Variants in TTC28 observed in about 807,000 individuals in gnomAD.
TTC28 encodes the protein tetratricopeptide repeat protein 28.
In TTC28, 61 loss-of-function variants were observed where a neutral mutation model predicts 198.0. That is an observed-to-expected ratio of 0.31 (90% confidence interval 0.25 to 0.38). The LOEUF (loss-of-function observed/expected upper bound fraction) is 0.38. Among genes scored for constraint, TTC28 ranks in the 10% least tolerant of loss-of-function variants. TTC28 has a pLI of 1.00. For synonymous variants in TTC28, 1,171 were observed against 1,297.8 expected (o/e 0.90, Z 2.10); for missense variants, 2,678 against 3,164.0 (o/e 0.85, Z 3.69).
At chr22:28,114,043 G>T (rs1185959785) in intron 6 of TTC28, among the ~76,000 whole-genome samples, 2 of 152,166 alleles carry the variant, frequency 1.3e-5, no homozygotes, top group African/African-American at 4.8e-5. Context: ...CCTTTTCCAG[G>T]CTGGGAGAAG....
intron 2 of TTC28, among the ~76,000 whole-genome samples, chr22:28,547,225 T>A (rs1601549134): frequency 6.6e-6 from 1 of 152,136 alleles, no homozygotes; most frequent in Admixed American, 6.6e-5. Context: ...AGTGTGTGTG[T>A]GTGTGTGTGT....
intron 12 of TTC28, among the ~76,000 whole-genome samples, chr22:28,051,918 C>T (rs753838037): frequency 6.6e-6 from 1 of 152,086 alleles, no homozygotes; most frequent in Non-Finnish European, 1.5e-5. Flanking sequence ...GATTTTGCAG[C>T]CAGCCAGCAG....
chr22:28,547,479 A>C (rs753783951), intron 2 of TTC28, among the ~76,000 whole-genome samples: 6 of 152,340 alleles, frequency 3.9e-5, no homozygotes, highest in Admixed American at 1.3e-4. Flanking sequence ...ACTACACTCA[A>C]GATTTTTGTC....
chr22:28,584,267 C>T (rs1346399830), intron 2 of TTC28, among the ~76,000 whole-genome samples: 1 of 152,102 alleles, frequency 6.6e-6, no homozygotes, highest in Non-Finnish European at 1.5e-5. Context: ...ACAAAAGTAG[C>T]TCTCATATCT....
At chr22:28,322,289 A>G (rs2045459365) in intron 2 of TTC28, among the ~76,000 whole-genome samples, 1 of 152,192 alleles carries the variant, frequency 6.6e-6, no homozygotes, top group South Asian at 2.1e-4. Flanking sequence ...TGTCTTTTCC[A>G]AATAATGAAC....
chr22:28,616,672 T>G (rs1315602819), intron 2 of TTC28, among the ~76,000 whole-genome samples: 1 of 151,918 alleles, frequency 6.6e-6, no homozygotes, highest in East Asian at 1.9e-4. Context: ...GGCAACACAG[T>G]GAAACCCCGT....
chr22:28,520,711 T>C (rs1193789754), intron 2 of TTC28, among the ~76,000 whole-genome samples: 1 of 152,060 alleles, frequency 6.6e-6, no homozygotes. Flanking sequence ...TGAGATATGA[T>C]CACACCACTG....
intron 2 of TTC28, among the ~76,000 whole-genome samples, chr22:28,500,380 G>C (rs898609149): frequency 6.6e-6 from 1 of 152,114 alleles, no homozygotes; most frequent in African/African-American, 2.4e-5. Context: ...AATGTATTAA[G>C]ATCACTTGTT....
intron 6 of TTC28, among the ~76,000 whole-genome samples, chr22:28,127,184 A>G (rs1353210085): frequency 6.6e-6 from 1 of 152,266 alleles, no homozygotes; most frequent in African/African-American, 2.4e-5. Context: ...AATATCTAGT[A>G]CAGACAAGAC....
rs188068569 is a variant in TTC28 at position 28,397,124 on chromosome 22, T to G, written c.382-90481A>C. On this transcript the variant is annotated intron_variant, in intron 2 of 22. Coordinates refer to ENST00000397906, the MANE Select transcript of TTC28 (RefSeq NM_001145418.2). Reference sequence around the variant, plus strand: ...ATATAGCAAACAGTGAGCTACATGCTGGCGATAAAGTTAAAAAGAAAAAAA... The same window carrying G: ...ATATAGCAAACAGTGAGCTACATGCGGGCGATAAAGTTAAAAAGAAAAAAA... Among the ~76,000 whole-genome samples, 756 of 152,300 alleles carry G rather than the reference T, an allele frequency of 5.0e-3. 2 individuals are homozygous for G. Among genetic ancestry groups the G allele is most frequent in the Non-Finnish European group, 6.9e-3 (466 of 68,026 alleles).
chr22:27,983,527 G>C lies in TTC28; in HGVS notation c.6140C>G (p.Pro2047Arg). Reference protein sequence around the residue: ...PRSQLPPQTRPAGNKDEEEYE... With the variant: ...PRSQLPPQTRRAGNKDEEEYE... ...TTCTTCTTCATCTTTGTTGCCTGCA[G>C]GGCGGGTCTGGGGAGGCAGCTGGCT... The change falls in exon 23 of 23, where the codon CCT becomes CGT. Residue 2047 changes from proline to arginine, a missense_variant. Pro to Arg is a moderately radical substitution (Grantham distance 103). This residue lies in a region of TTC28 where 622 missense variants were observed against 656.0 expected (regional missense o/e 0.95). Transcript: ENST00000397906. 6 of 1,550,986 alleles carry C rather than the reference G, an allele frequency of 3.9e-6. No homozygotes were observed. Among genetic ancestry groups the C allele is most frequent in the Non-Finnish European group, 5.2e-6 (6 of 1,146,812 alleles).
At chr22:28,422,512 C>G (rs555281905) in intron 2 of TTC28, among the ~76,000 whole-genome samples, 1 of 151,334 alleles carries the variant, frequency 6.6e-6, no homozygotes, top group South Asian at 2.1e-4. Context: ...GATCTCGGTT[C>G]ACTGCAAGCT....
rs1286344428 is a variant in TTC28, at chr22:28,105,641, C to T, written c.2945G>A (p.Arg982His). 5.2e-6 allele frequency: 8 copies of T among 1,552,102 alleles called. No homozygotes were observed. The highest frequency in any genetic ancestry group is 2.7e-5 in the African/African-American group (2 of 73,168). The change falls in exon 8 of 23, where the codon CGC becomes CAC. Residue 982 changes from arginine to histidine, a missense_variant. Arg to His is a conservative substitution (Grantham distance 29). Coordinates refer to ENST00000397906, the MANE Select transcript of TTC28 (RefSeq NM_001145418.2). ...CATATCTCTAGCAATGTTCAGCTGG[C>T]GTTCAAGGCAGGAAATGGCTTGTTC... ...NYEQAISCLE[R>H]QLNIARDMKD... is the part of the protein sequence containing the mutation.
rs1936923953 is a variant in TTC28 at position 27,978,696 on chromosome 22, G to A, written c.*3525C>T. On this transcript the variant is annotated 3_prime_UTR_variant, in exon 23 of 23. Transcript: ENST00000397906. ...CTTTCATTTTGTGTTGCACATCAGT[G>A]TGGATCAAAATGTAAGTTTTAGTAG... The A allele has an allele frequency of 6.6e-6, 1 of 152,236 alleles. No individual in the cohort carries two copies. The highest frequency in any genetic ancestry group is 2.4e-5 in the African/African-American group (1 of 41,454). The allele number at this position is 152,236 out of a possible 1,614,324, so 9.4% of individuals were successfully genotyped here. A position where few individuals can be genotyped will look rare whatever the true frequency, so the allele number is the denominator to read the frequency against.
chr22:28,536,198 CAAA>C (rs59506221), intron 2 of TTC28, among the ~76,000 whole-genome samples: 13 of 64,406 alleles, frequency 2.0e-4, no homozygotes, highest in African/African-American at 2.9e-4. Flanking sequence ...GACACCGTCT[CAAA>C]AAAAAAAAAA....
intron 2 of TTC28, among the ~76,000 whole-genome samples, chr22:28,323,137 G>C (rs1303281372): frequency 1.3e-5 from 2 of 152,090 alleles, no homozygotes; most frequent in Non-Finnish European, 2.9e-5. Context: ...TACCACGCTG[G>C]GCAATCTCAG....
intron 12 of TTC28, among the ~76,000 whole-genome samples, chr22:28,064,427 G>T (rs187327686): frequency 3.3e-5 from 5 of 152,228 alleles, no homozygotes; most frequent in Admixed American, 3.3e-4. Flanking sequence ...CTCCCTTCTA[G>T]AAAGTGGAAA....
At chr22:28,435,570 C>T (rs1177644451) in intron 2 of TTC28, among the ~76,000 whole-genome samples, 1 of 152,200 alleles carries the variant, frequency 6.6e-6, no homozygotes, top group East Asian at 1.9e-4. Flanking sequence ...TTTTCCACAG[C>T]ATGTCATCAC....
intron 2 of TTC28, among the ~76,000 whole-genome samples, chr22:28,400,867 C>A (rs943610016): frequency 6.6e-6 from 1 of 152,138 alleles, no homozygotes; most frequent in African/African-American, 2.4e-5. Flanking sequence ...TAAACAAGTA[C>A]ACATAAGAAA....
Sources: gnomAD v4.1 joint callset for allele counts (sites outside exome capture counted in the v4.1 genomes callset) on GRCh38, gnomAD v4.1.1 for gene constraint, gnomAD v4.1.1 regional missense constraint, MANE v1.5 for transcripts, NCBI Gene and HGNC (gene_info 2026-07-23, HGNC 2026-07-21) for gene names.